TTC17: variants seen among roughly 807,000 people sequenced by gnomAD.
TTC17 encodes tetratricopeptide repeat protein 17.
In TTC17, 58 loss-of-function variants were observed where a neutral mutation model predicts 143.8. The observed-to-expected ratio is 0.40, with a 90% CI of 0.33 to 0.50. The LOEUF (loss-of-function observed/expected upper bound fraction) is 0.50, where lower values mean the gene tolerates loss of function less well. Ranked by LOEUF, TTC17 falls within the 20% of genes least tolerant of loss-of-function variation. The pLI is 0.49. For synonymous variants in TTC17, 501 were observed against 497.8 expected, an observed-to-expected ratio of 1.01 and a Z score of -0.09; for missense variants, 1,273 against 1,392.5, an observed-to-expected ratio of 0.91 and a Z score of 1.37.
In TTC17 at chr11:43,403,977, AC is replaced by A. The variant is rs143061764; in HGVS notation, c.1333-20del. 0.051 allele frequency: 79,242 copies of A among 1,568,944 alleles called. 2,286 individuals carry two copies. The highest frequency in any genetic ancestry group is 0.093 in the African/African-American group (6,812 of 73,096). On this transcript the variant is annotated intron_variant, in intron 10 of 23. Coordinates refer to ENST00000039989, the MANE Select transcript of TTC17 (RefSeq NM_018259.6). ...CCTTTTCCACTTTCAATTTGATTGA[AC>A]TTTTTGTTTCATTTTCTAGTTTGGT...
intron 10 of TTC17, among the ~76,000 whole-genome samples, chr11:43,403,477 T>C (rs1857964224): frequency 6.6e-6 from 1 of 152,188 alleles, no homozygotes; most frequent in African/African-American, 2.4e-5. Context: ...GAAGGCTGTA[T>C]ATGTTTGTGT....
At chr11:43,378,994 G>A in intron 1 of TTC17, 1 of 462,276 alleles carries the variant, frequency 2.2e-6, no homozygotes, top group Non-Finnish European at 3.8e-6. Context: ...TGTAAAGTCA[G>A]AATATGTACT....
At chr11:43,408,853 C>T (rs962289622) in intron 15 of TTC17, among the ~76,000 whole-genome samples, 3 of 152,076 alleles carry the variant, frequency 2.0e-5, no homozygotes, top group African/African-American at 7.2e-5. Flanking sequence ...GTAGTGCACC[C>T]ACCTCAGCCT....
chr11:43,473,849 C>T (rs1387671234), intron 21 of TTC17, among the ~76,000 whole-genome samples: 1 of 149,144 alleles, frequency 6.7e-6, no homozygotes, highest in Non-Finnish European at 1.5e-5. Context: ...CACCCCTGCA[C>T]TTCAGCCTGG....
At chr11:43,373,147 T>G (rs1158896070) in intron 1 of TTC17, among the ~76,000 whole-genome samples, 1 of 152,102 alleles carries the variant, frequency 6.6e-6, no homozygotes, top group South Asian at 2.1e-4. Flanking sequence ...GGTACTGTGT[T>G]TGTTTTTACA....
intron 21 of TTC17, among the ~76,000 whole-genome samples, chr11:43,480,917 G>A (rs73530669): frequency 0.094 from 13,965 of 148,660 alleles, 2,204 homozygotes; most frequent in African/African-American, 0.32. Context: ...CAAGAATCTG[G>A]ACAAATATAA....
chr11:43,388,933 A>T (rs1857273581), intron 2 of TTC17, among the ~76,000 whole-genome samples: 1 of 151,454 alleles, frequency 6.6e-6, no homozygotes, highest in African/African-American at 2.4e-5. Context: ...CTGTGATCGC[A>T]CTACTGCACT....
At chr11:43,479,329 GAAAC>G (rs754635508) in intron 21 of TTC17, among the ~76,000 whole-genome samples, 4 of 152,110 alleles carry the variant, frequency 2.6e-5, no homozygotes, top group African/African-American at 9.7e-5. Flanking sequence ...ACAAAGATGA[GAAAC>G]AAATAGCATC....
At chr11:43,463,947 G>A (rs1345573920) in intron 21 of TTC17, among the ~76,000 whole-genome samples, 1 of 152,228 alleles carries the variant, frequency 6.6e-6, no homozygotes, top group Non-Finnish European at 1.5e-5. Context: ...GAAAGGAAAT[G>A]TATGTTTTAA....
chr11:43,480,395 G>A (rs1483175834), intron 21 of TTC17, among the ~76,000 whole-genome samples: 1 of 152,064 alleles, frequency 6.6e-6, no homozygotes, highest in African/African-American at 2.4e-5. Context: ...AATTGTGAAA[G>A]GATACCAGAC....
At chr11:43,398,596 G>C (rs1857716654) in intron 8 of TTC17, among the ~76,000 whole-genome samples, 1 of 152,130 alleles carries the variant, frequency 6.6e-6, no homozygotes, top group Non-Finnish European at 1.5e-5. Context: ...GACATTATTT[G>C]GCCCACGTTT....
At chr11:43,370,261 G>A (rs1028292892) in intron 1 of TTC17, 4 of 307,714 alleles carry the variant, frequency 1.3e-5, no homozygotes, top group Admixed American at 4.4e-5. Context: ...TTCCATCCCT[G>A]TGAAACTCAT....
chr11:43,415,055 C>T (rs1946746079), intron 16 of TTC17, among the ~76,000 whole-genome samples: 1 of 152,112 alleles, frequency 6.6e-6, no homozygotes, highest in Admixed American at 6.5e-5. Flanking sequence ...TTTCCTCCCT[C>T]CAAAATCTCT....
At chr11:43,454,873 GA>G (rs1185046188) in intron 21 of TTC17, among the ~76,000 whole-genome samples, 1 of 151,750 alleles carries the variant, frequency 6.6e-6, no homozygotes, top group African/African-American at 2.4e-5. Flanking sequence ...CATAATACCA[GA>G]CAAAAAATTA....
rs746632563 is a variant in TTC17 at position 43,391,909 on chromosome 11, G to A, written c.620G>A (p.Ser207Asn). 1.9e-6 allele frequency: 3 copies of A among 1,613,326 alleles called. No homozygotes were observed. The South Asian group carries it at 3.3e-5, about 18-fold the overall frequency. The change falls in exon 5 of 24, where the codon AGT (serine) becomes AAT (asparagine). Residue 207 changes from serine to asparagine, a missense_variant. Ser to Asn is a conservative substitution (Grantham distance 46). Transcript: ENST00000039989. ...FTYLSKRLGR[S>N]IDDIGHLIHE... ...TATTTATCTAAACGGTTAGGAAGGA[G>A]TATAGATGACATAGGTCACCTCATT...
At chr11:43,474,523 T>C (rs1434948488) in intron 21 of TTC17, among the ~76,000 whole-genome samples, 1 of 152,190 alleles carries the variant, frequency 6.6e-6, no homozygotes, top group East Asian at 1.9e-4. Flanking sequence ...TTACACAAAA[T>C]TTTTAATAAA....
chr11:43,420,898 T>A (rs533898409), intron 16 of TTC17, among the ~76,000 whole-genome samples: 43 of 152,340 alleles, frequency 2.8e-4, no homozygotes, highest in Middle Eastern at 3.4e-3. Context: ...TTAAGAAATA[T>A]GAAATTTGAT....
rs1372497643 is a variant in TTC17 at position 43,494,517 on chromosome 11, C to A, written c.*613C>A. On this transcript the variant is annotated 3_prime_UTR_variant, in exon 24 of 24. Coordinates refer to ENST00000039989, the MANE Select transcript of TTC17 (RefSeq NM_018259.6). ...AACAAAAATTCTTAGGATCACCTGA[C>A]CTTTGTAATGTTATTTATGTTGGGG... 6.6e-6 allele frequency: 1 copy of A among 151,864 alleles called. No individual in the cohort carries two copies. The highest frequency in any genetic ancestry group is 1.5e-5 in the Non-Finnish European group (1 of 68,036). The allele number at this position is 151,864 out of a possible 1,614,324, so 9.4% of individuals were successfully genotyped here. A position where few individuals can be genotyped will look rare whatever the true frequency, so the allele number is the denominator to read the frequency against.
chr11:43,489,780 G>A (rs1253935243), intron 21 of TTC17: 1 of 151,320 alleles, frequency 6.6e-6, no homozygotes, highest in African/African-American at 2.4e-5. Flanking sequence ...GGGGAGGTGA[G>A]GGGAGGAAAT....
Sources: gnomAD v4.1 joint callset for allele counts (sites outside exome capture counted in the v4.1 genomes callset) on GRCh38, gnomAD v4.1.1 for gene constraint, MANE v1.5 for transcripts, NCBI Gene and HGNC (gene_info 2026-07-23, HGNC 2026-07-21) for gene names.